The following FOXN3 variants were observed in gnomAD, a reference collection of about 807,000 sequenced individuals.
FOXN3 encodes forkhead box N3.
FOXN3 carries 7 observed loss-of-function variants against 38.4 expected under a neutral mutation model. The ratio of observed to expected loss-of-function variants is 0.18; its 90% CI spans 0.10 to 0.34. The LOEUF is 0.34. Ranked by LOEUF, FOXN3 falls within the 10% of genes least tolerant of loss-of-function variation. The probability of loss-of-function intolerance (pLI) is 1.00; values close to 1 mark genes in which losing one functional copy is unlikely to be tolerated. For synonymous variants in FOXN3, 230 were observed against 242.2 expected, an observed-to-expected ratio of 0.95 and a Z score of 0.47; for missense variants, 456 against 613.4, an observed-to-expected ratio of 0.74 and a Z score of 2.71.
intron 2 of FOXN3, among the ~76,000 whole-genome samples, chr14:89,404,765 G>A (rs374316817): frequency 2.6e-5 from 4 of 152,014 alleles, no homozygotes; most frequent in African/African-American, 7.2e-5. Flanking sequence ...AGCCATTTCC[G>A]ACGCTGGACA....
intron 1 of FOXN3, among the ~76,000 whole-genome samples, chr14:89,567,197 C>T (rs1318580259): frequency 4.6e-5 from 7 of 152,184 alleles, no homozygotes; most frequent in Admixed American, 3.3e-4. Context: ...CCTTCATCTG[C>T]CTCTCTTCCC....
At chr14:89,467,754 C>T (rs541843947) in intron 1 of FOXN3, among the ~76,000 whole-genome samples, 39 of 150,316 alleles carry the variant, frequency 2.6e-4, no homozygotes, top group African/African-American at 9.3e-4. Context: ...TGCCACCAAG[C>T]CCACCAAGCT....
At chr14:89,367,593 C>T (rs1213655533) in intron 2 of FOXN3, among the ~76,000 whole-genome samples, 1 of 152,158 alleles carries the variant, frequency 6.6e-6, no homozygotes, top group African/African-American at 2.4e-5. Context: ...CAGACCAGTG[C>T]TCCAGCGGGA....
At chr14:89,374,336 A>T (rs537787262) in intron 2 of FOXN3, among the ~76,000 whole-genome samples, 2 of 151,740 alleles carry the variant, frequency 1.3e-5, no homozygotes, top group South Asian at 4.2e-4. Flanking sequence ...AAGAATGTGA[A>T]CTAGTACAAC....
intron 4 of FOXN3, among the ~76,000 whole-genome samples, chr14:89,209,920 C>G (rs1888478276): frequency 6.6e-6 from 1 of 152,186 alleles, no homozygotes; most frequent in Admixed American, 6.5e-5. Flanking sequence ...CCATTGTTAA[C>G]AGATAAGGAG....
chr14:89,166,400 C>T (rs1887243897), intron 5 of FOXN3, among the ~76,000 whole-genome samples: 1 of 152,160 alleles, frequency 6.6e-6, no homozygotes, highest in African/African-American at 2.4e-5. Context: ...TCCGGTACCA[C>T]CTAGAATCAG....
intron 1 of FOXN3, among the ~76,000 whole-genome samples, chr14:89,574,132 T>C (rs1206466152): frequency 6.6e-6 from 1 of 152,188 alleles, no homozygotes; most frequent in East Asian, 1.9e-4. Context: ...CCATGGCCAC[T>C]GTTTGCAATT....
intron 2 of FOXN3, among the ~76,000 whole-genome samples, chr14:89,354,857 A>AAAATAAATAAAT (rs574717535): frequency 1.9e-4 from 29 of 151,896 alleles, no homozygotes; most frequent in South Asian, 8.3e-4. Context: ...TCCGTCTCAA[A>AAAATAAATAAAT]AAATAAATAA....
At chr14:89,315,891 T>C (rs376153242) in intron 3 of FOXN3, among the ~76,000 whole-genome samples, 26 of 152,230 alleles carry the variant, frequency 1.7e-4, no homozygotes, top group African/African-American at 6.0e-4. Context: ...ATGCAGATGG[T>C]GAGTGGAGCT....
intron 1 of FOXN3, among the ~76,000 whole-genome samples, chr14:89,559,461 A>G (rs988688607): frequency 6.6e-6 from 1 of 152,110 alleles, no homozygotes; most frequent in Admixed American, 6.5e-5. Context: ...GCAGATCACC[A>G]GGTCGGGAGA....
At chr14:89,251,941 G>A (rs1885469458) in intron 4 of FOXN3, among the ~76,000 whole-genome samples, 1 of 152,202 alleles carries the variant, frequency 6.6e-6, no homozygotes. Context: ...AGCATTCAAA[G>A]ACATTTGCTT....
At chr14:89,527,244 G>T (rs1253352703) in intron 1 of FOXN3, among the ~76,000 whole-genome samples, 2 of 152,172 alleles carry the variant, frequency 1.3e-5, no homozygotes, top group Middle Eastern at 3.4e-3. Context: ...ATTCAAAATG[G>T]ACAACAGAAT....
At chr14:89,504,272 C>T (rs575141812) in intron 1 of FOXN3, among the ~76,000 whole-genome samples, 7 of 152,190 alleles carry the variant, frequency 4.6e-5, no homozygotes, top group Non-Finnish European at 8.8e-5. Flanking sequence ...TTCCCAGGCA[C>T]GTGTCAGGAA....
chr14:89,249,151 A>T (rs55985762), intron 4 of FOXN3, among the ~76,000 whole-genome samples: 120,501 of 152,182 alleles, frequency 0.79, 47,711 homozygotes, highest in African/African-American at 0.81. Flanking sequence ...GAGTCTGGAC[A>T]CAACAGATAC....
chr14:89,589,286 C>A (rs139191307), intron 1 of FOXN3, among the ~76,000 whole-genome samples: 1 of 152,328 alleles, frequency 6.6e-6, no homozygotes, highest in East Asian at 1.9e-4. Context: ...ACTACCCAGA[C>A]TTACAAAAGC....
chr14:89,401,894 A>G (rs1891257049), intron 2 of FOXN3, among the ~76,000 whole-genome samples: 2 of 152,282 alleles, frequency 1.3e-5, no homozygotes, highest in South Asian at 4.1e-4. Context: ...AAGAAAAGGA[A>G]GGGTAATTGG....
In FOXN3 at chr14:89,160,688, C is replaced by T. The variant is rs1392615135; in HGVS notation, c.*1726G>A. 6.6e-6 allele frequency: 1 copy of T among 152,574 alleles called. No homozygotes were observed. Among genetic ancestry groups the T allele is most frequent in the Non-Finnish European group, 1.5e-5 (1 of 68,088 alleles). The allele number at this position is 152,574 out of a possible 1,614,324, so 9.5% of individuals were successfully genotyped here. A position where few individuals can be genotyped will look rare whatever the true frequency, so the allele number is the denominator to read the frequency against. ...CATGTACAGACAGAGAGAAAGGACA[C>T]ACTTTTCAACAGAGAATCAGAGGGG... On this transcript the variant is annotated 3_prime_UTR_variant, in exon 6 of 6. Coordinates refer to ENST00000557258, the MANE Select transcript of FOXN3 (RefSeq NM_005197.4).
chr14:89,193,412 A>C (rs1426561582), intron 4 of FOXN3, among the ~76,000 whole-genome samples: 1 of 151,866 alleles, frequency 6.6e-6, no homozygotes, highest in Non-Finnish European at 1.5e-5. Context: ...GAGAAAGAAA[A>C]CCTTAAAGGA....
intron 4 of FOXN3, among the ~76,000 whole-genome samples, chr14:89,231,091 A>AT (rs1884794047): frequency 6.6e-6 from 1 of 151,940 alleles, no homozygotes; most frequent in South Asian, 2.1e-4. Flanking sequence ...TGCCTGCCTA[A>AT]TTTTTTTGCA....
Sources: allele counts gnomAD v4.1 joint callset (sites outside exome capture counted in the v4.1 genomes callset), GRCh38; gene constraint gnomAD v4.1.1; transcripts MANE v1.5; gene names NCBI Gene and HGNC (gene_info 2026-07-23, HGNC 2026-07-21).